The following CASD1 variants were observed in gnomAD, a reference collection of about 807,000 sequenced individuals.
CASD1 encodes the protein CAS1 domain sialic acid O acetyltransferase 1.
Under a neutral mutation model 100.0 loss-of-function variants are expected in CASD1, and 41 were observed. The observed-to-expected ratio is 0.41, with a 90% CI of 0.32 to 0.53. The LOEUF (loss-of-function observed/expected upper bound fraction) is 0.53. CASD1 is among the 20% of genes least tolerant of loss of function. The pLI is 0.25. For synonymous variants in CASD1, 321 were observed against 315.6 expected (o/e 1.02, Z -0.18); for missense variants, 774 against 948.7 (o/e 0.82, Z 2.42).
intron 3 of CASD1, among the ~76,000 whole-genome samples, chr7:94,524,855 G>A (rs1164519102): frequency 6.6e-6 from 1 of 152,164 alleles, no homozygotes; most frequent in Admixed American, 6.5e-5. Flanking sequence ...ATTAAGAGAT[G>A]TGACAACTAA....
At chr7:94,564,659 C>T in the CASD1 span, among the ~76,000 whole-genome samples, 1 of 152,110 alleles carries the variant, frequency 6.6e-6, no homozygotes, top group African/African-American at 2.4e-5. Flanking sequence ...ACATAGTGAA[C>T]CTACTTTGGC....
the CASD1 span, among the ~76,000 whole-genome samples, chr7:94,573,974 C>G: frequency 6.6e-6 from 1 of 152,076 alleles, no homozygotes; most frequent in East Asian, 1.9e-4. Context: ...TTTTCTGCAT[C>G]TATTGAGATA....
downstream of CASD1, among the ~76,000 whole-genome samples, chr7:94,561,599 C>G (rs1332899104): frequency 3.3e-5 from 5 of 151,958 alleles, no homozygotes; most frequent in East Asian, 7.8e-4. Flanking sequence ...AGCACAGATT[C>G]AATTTTTTTT....
rs1795260388 is a variant in CASD1, at chr7:94,539,134, T to C, written c.1356+78T>C. 3.7e-5 allele frequency: 28 copies of C among 759,428 alleles called. No homozygotes were observed. In the South Asian group the frequency reaches 5.2e-4, roughly 14 times the overall value. 47.0% of individuals were successfully genotyped at this position (759,428 alleles called of 1,614,324 possible). On this transcript the variant is annotated intron_variant, in intron 10 of 17. Coordinates refer to ENST00000297273, the MANE Select transcript of CASD1 (RefSeq NM_022900.5). The stretch of plus-strand genomic sequence containing the variant: ...TGTTTCTTTAAGGGCACCAGCTTTT[T>C]TGTGTTTTATAATCTCTACCAGTTA...
At chr7:94,553,538 A>G (rs1796052059) in intron 16 of CASD1, among the ~76,000 whole-genome samples, 1 of 152,184 alleles carries the variant, frequency 6.6e-6, no homozygotes, top group Non-Finnish European at 1.5e-5. Flanking sequence ...TCAACATTGA[A>G]TATGAGTTTT....
At chr7:94,511,833 C>T (rs1439672706) in intron 1 of CASD1, among the ~76,000 whole-genome samples, 1 of 152,062 alleles carries the variant, frequency 6.6e-6, no homozygotes, top group Middle Eastern at 3.2e-3. Flanking sequence ...TAGATTTCAT[C>T]TTATCAAGAT....
the CASD1 span, among the ~76,000 whole-genome samples, chr7:94,568,932 G>A: frequency 6.6e-6 from 1 of 152,104 alleles, no homozygotes; most frequent in African/African-American, 2.4e-5. Flanking sequence ...ATAAATTTCT[G>A]TTGTTCATAA....
chr7:94,557,234 A>T (rs1468242349), downstream of CASD1, among the ~76,000 whole-genome samples: 2 of 152,026 alleles, frequency 1.3e-5, no homozygotes, highest in African/African-American at 4.8e-5. Flanking sequence ...TTAAAAATGT[A>T]CTTATTATTT....
intron 8 of CASD1, among the ~76,000 whole-genome samples, chr7:94,536,618 A>G (rs1025141285): frequency 6.6e-6 from 1 of 152,204 alleles, no homozygotes; most frequent in Admixed American, 6.5e-5. Context: ...TTTGCAGGCT[A>G]GTATCTGCAA....
At chr7:94,622,056 T>A in the CASD1 span, 1 of 152,238 alleles carries the variant, frequency 6.6e-6, no homozygotes, top group Admixed American at 6.5e-5. Flanking sequence ...CATACACGTT[T>A]AATTTTACAG....
At chr7:94,585,664 G>T in the CASD1 span, 10 of 637,566 alleles carry the variant, frequency 1.6e-5, no homozygotes, top group Admixed American at 9.3e-5. Context: ...TCTGTATTTG[G>T]TTTTTTTAAA....
intron 9 of CASD1, among the ~76,000 whole-genome samples, chr7:94,538,571 G>A (rs533784215): frequency 2.0e-5 from 3 of 152,224 alleles, no homozygotes; most frequent in Admixed American, 1.3e-4. Flanking sequence ...TCAGTAAAGT[G>A]TAGGGGAAGT....
the CASD1 span, chr7:94,618,932 T>C: frequency 6.2e-7 from 1 of 1,613,596 alleles, no homozygotes; most frequent in Non-Finnish European, 8.5e-7. Context: ...AATGAAGAAT[T>C]CTGCTTGATA....
chr7:94,519,916 A>G (rs763632392), intron 3 of CASD1, among the ~76,000 whole-genome samples: 7 of 152,234 alleles, frequency 4.6e-5, no homozygotes, highest in Non-Finnish European at 1.0e-4. Context: ...GGATTTGACA[A>G]TAGGTAGTTG....
At chr7:94,525,528 CATT>C (rs1436371180) in intron 3 of CASD1, among the ~76,000 whole-genome samples, 5 of 151,972 alleles carry the variant, frequency 3.3e-5, no homozygotes, top group African/African-American at 1.2e-4. Flanking sequence ...ATATATCAAA[CATT>C]ATATTAAAAA....
chr7:94,616,772 CAAGT>C, the CASD1 span: 4 of 151,816 alleles, frequency 2.6e-5, no homozygotes, highest in Admixed American at 6.6e-5. Flanking sequence ...AATTATAACT[CAAGT>C]AAGATTTTAT....
chr7:94,546,203 G>A (rs1051693048), intron 12 of CASD1, among the ~76,000 whole-genome samples: 10 of 151,944 alleles, frequency 6.6e-5, no homozygotes, highest in African/African-American at 2.2e-4. Flanking sequence ...TTCTAGACAA[G>A]CTTTGAAGCA....
At chr7:94,623,379 G>A in the CASD1 span, 80 of 1,602,254 alleles carry the variant, frequency 5.0e-5, no homozygotes, top group Admixed American at 3.7e-4. Flanking sequence ...TCAAAGGTGC[G>A]CCTGTTGTAG....
chr7:94,630,833 AACC>A, the CASD1 span, among the ~76,000 whole-genome samples: 1 of 151,940 alleles, frequency 6.6e-6, no homozygotes, highest in Admixed American at 6.6e-5. Context: ...TAACCTTATG[AACC>A]ACAAGGCTGC....
Sources: gnomAD v4.1 joint callset for allele counts (sites outside exome capture counted in the v4.1 genomes callset) on GRCh38, gnomAD v4.1.1 for gene constraint, MANE v1.5 for transcripts, NCBI Gene and HGNC (gene_info 2026-07-23, HGNC 2026-07-21) for gene names.